Variants in RYR2 observed in about 807,000 individuals in gnomAD.
RYR2 encodes the protein cardiac muscle ryanodine receptor-calcium release channel.
In RYR2, 227 loss-of-function variants were observed where a neutral mutation model predicts 601.1. The ratio of observed to expected loss-of-function variants is 0.38; its 90% CI spans 0.34 to 0.42. The LOEUF (loss-of-function observed/expected upper bound fraction) is 0.42, where lower values mean the gene tolerates loss of function less well. Among genes scored for constraint, RYR2 ranks in the 10% least tolerant of loss-of-function variants. The pLI is 1.00. For missense variants in RYR2, 4,646 were observed against 6,156.5 expected (o/e 0.75, Z 8.21); for synonymous variants, 2,223 against 2,175.1 (o/e 1.02, Z -0.61).
At chr1:237,759,307 C>T (rs575195101) in intron 82 of RYR2, among the ~76,000 whole-genome samples, 94 of 152,194 alleles carry the variant, frequency 6.2e-4, no homozygotes, top group African/African-American at 2.2e-3. Context: ...AGGCTGGTCT[C>T]AAACTCCTGA....
intron 37 of RYR2, among the ~76,000 whole-genome samples, chr1:237,615,120 C>T (rs1052506220): frequency 6.6e-6 from 1 of 152,138 alleles, no homozygotes; most frequent in African/African-American, 2.4e-5. Context: ...TCTTACCAAC[C>T]TTAGAATACT....
chr1:237,075,225 G>T (rs1664867109), intron 1 of RYR2, among the ~76,000 whole-genome samples: 5 of 152,142 alleles, frequency 3.3e-5, no homozygotes, highest in Admixed American at 2.6e-4. Flanking sequence ...CTTAGAGGGG[G>T]AAAAATATGA....
chr1:237,233,277 C>T (rs925957397), intron 1 of RYR2, among the ~76,000 whole-genome samples: 1 of 152,174 alleles, frequency 6.6e-6, no homozygotes, highest in African/African-American at 2.4e-5. Flanking sequence ...GGTGTTTATA[C>T]TGCAAGAAAC....
chr1:237,565,179 CTTTCTTTCTTT>C (rs1559035854), intron 27 of RYR2, among the ~76,000 whole-genome samples: 2,342 of 120,192 alleles, frequency 0.019, 46 homozygotes, highest in East Asian at 0.033. Context: ...TTCTTTCTTT[CTTTCTTTCTTT>C]CTTTCTTTCT....
At chr1:237,081,262 C>G (rs1254212378) in intron 1 of RYR2, among the ~76,000 whole-genome samples, 1 of 108,982 alleles carries the variant, frequency 9.2e-6, no homozygotes, top group Non-Finnish European at 1.8e-5. Context: ...CACATGTACC[C>G]TAAAACTTAG....
chr1:237,541,272 G>A (rs1669231126), intron 25 of RYR2, among the ~76,000 whole-genome samples: 1 of 152,106 alleles, frequency 6.6e-6, no homozygotes, highest in South Asian at 2.1e-4. Flanking sequence ...GAGCCTTGTA[G>A]CCAGAATGCA....
At chr1:237,153,573 T>C (rs1020462292) in intron 1 of RYR2, among the ~76,000 whole-genome samples, 2 of 151,758 alleles carry the variant, frequency 1.3e-5, no homozygotes, top group African/African-American at 4.8e-5. Flanking sequence ...CAGTTATAGA[T>C]AGTCTGGGGG....
At chr1:237,422,318 G>A (rs752496675) in intron 11 of RYR2, among the ~76,000 whole-genome samples, 4 of 152,136 alleles carry the variant, frequency 2.6e-5, no homozygotes, top group African/African-American at 7.2e-5. Context: ...ATAGTGATCA[G>A]ATCAATTAGC....
In RYR2 at chr1:237,784,672, A is replaced by G. The variant is rs1456795811; in HGVS notation, c.12960A>G (p.Glu4320=). Residue 4320 remains glutamate (E), a synonymous_variant, in exon 90 of 105, where the codon GAA becomes GAG. Coordinates refer to ENST00000366574, the MANE Select transcript of RYR2 (RefSeq NM_001035.3). This position sits in a 1 kb window ranked among gnomAD's most constrained non-coding sequence, Gnocchi z 7.1. ...TGCTGCTTGGGGGAAGCCTCGTCGA[A>G]GGTGCTAAAAAGATCAAAGTTGCAG... ...CSLLLGGSLV[E]GAKKIKVAEL... is the part of the protein sequence containing the mutation. 16 of 1,611,926 alleles carry G rather than the reference A, an allele frequency of 9.9e-6. No homozygotes were observed. Among genetic ancestry groups the G allele is most frequent in the Non-Finnish European group, 1.4e-5 (16 of 1,178,734 alleles).
In RYR2 at chr1:237,168,255, A is replaced by G. The variant is rs531647511; in HGVS notation, c.49-102242A>G. Among the ~76,000 whole-genome samples, 8 of 152,048 alleles carry G rather than the reference A, an allele frequency of 5.3e-5. No individual in the cohort carries two copies. In the South Asian group the frequency reaches 1.5e-3, roughly 28 times the overall value. ...TAGATTCCTGGGCATTAATCGTTAA[A>G]TGTTGTTAGGAATGAAGCTTAAAGA... On this transcript the variant is annotated intron_variant, in intron 1 of 104. Transcript: ENST00000366574.
chr1:237,495,619 C>A (rs910627390), intron 19 of RYR2, among the ~76,000 whole-genome samples: 1 of 152,120 alleles, frequency 6.6e-6, no homozygotes, highest in African/African-American at 2.4e-5. Flanking sequence ...TCATTTCTAC[C>A]TAGTATTACC....
chr1:237,486,021 G>A (rs540687892), intron 17 of RYR2, among the ~76,000 whole-genome samples: 82 of 152,216 alleles, frequency 5.4e-4, no homozygotes, highest in African/African-American at 1.8e-3. Context: ...AGGAGAGGAT[G>A]AGTTTAGGAG....
intron 1 of RYR2, among the ~76,000 whole-genome samples, chr1:237,139,427 A>AT (rs1293978012): frequency 6.6e-6 from 1 of 152,082 alleles, no homozygotes; most frequent in East Asian, 1.9e-4. Flanking sequence ...TTTTGGGGGG[A>AT]TAAAAATGTC....
At chr1:237,586,863 G>T (rs146657526) in intron 29 of RYR2, among the ~76,000 whole-genome samples, 1 of 151,924 alleles carries the variant, frequency 6.6e-6, no homozygotes, top group Non-Finnish European at 1.5e-5. Flanking sequence ...GGGACTACAG[G>T]TGCCCACCAC....
intron 70 of RYR2, among the ~76,000 whole-genome samples, chr1:237,710,956 C>A (rs895302165): frequency 6.6e-6 from 1 of 152,272 alleles, no homozygotes; most frequent in African/African-American, 2.4e-5. Flanking sequence ...TGGGTTACTT[C>A]ACTTAGAATG....
At chr1:237,163,364 A>G (rs1476155478) in intron 1 of RYR2, among the ~76,000 whole-genome samples, 1 of 6,006 alleles carries the variant, frequency 1.7e-4, no homozygotes. Context: ...TACCCCCCCC[A>G]CCCCCACCCC....
Position 237,074,218 on chromosome 1 carries a change from G to T in RYR2, c.48+31649G>T, listed in dbSNP as rs535376644. ...CTGTATCCCAGCTACTTGGGAGGCT[G>T]AGGCAGGAGGACCATTTGAGCCCAG... On this transcript the variant is annotated intron_variant, in intron 1 of 104. Coordinates refer to ENST00000366574, the MANE Select transcript of RYR2 (RefSeq NM_001035.3). Among the ~76,000 whole-genome samples the T allele has an allele frequency of 2.6e-5, 4 of 152,290 alleles. No individual in the cohort carries two copies. The East Asian group carries it at 7.7e-4, about 29-fold the overall frequency.
intron 1 of RYR2, among the ~76,000 whole-genome samples, chr1:237,131,643 A>G (rs1272758470): frequency 1.3e-5 from 2 of 152,242 alleles, no homozygotes; most frequent in Admixed American, 6.5e-5. Context: ...ATTGGAAAAC[A>G]TAATATCAAA....
At chr1:237,054,277 TCCTCCCTC>T (rs1323456751) in intron 1 of RYR2, among the ~76,000 whole-genome samples, 2 of 138,328 alleles carry the variant, frequency 1.4e-5, no homozygotes, top group African/African-American at 5.2e-5. Context: ...CCTTCCCTTT[TCCTCCCTC>T]CCTCCCTTCC....
Sources: gnomAD v4.1 joint callset for allele counts (sites outside exome capture counted in the v4.1 genomes callset) on GRCh38, gnomAD v4.1.1 for gene constraint, Gnocchi (gnomAD v3.1) non-coding constraint, MANE v1.5 for transcripts, NCBI Gene and HGNC (gene_info 2026-07-23, HGNC 2026-07-21) for gene names.